The following STRIP1 variants were observed in gnomAD, a reference collection of about 807,000 sequenced individuals.
STRIP1 encodes the protein striatin interacting protein 1, also known as striatin-interacting protein 1.
In STRIP1, 63 loss-of-function variants were observed where a neutral mutation model predicts 106.2. That is an observed-to-expected ratio of 0.59 (90% CI 0.48 to 0.73). The LOEUF (loss-of-function observed/expected upper bound fraction) is 0.73, where lower values mean the gene tolerates loss of function less well. STRIP1 is among the 30% of genes least tolerant of loss of function. The probability of loss-of-function intolerance (pLI) is 0.00; values close to 1 mark genes in which losing one functional copy is unlikely to be tolerated. For synonymous variants in STRIP1, 390 were observed against 413.0 expected (o/e 0.94, Z 0.67); for missense variants, 857 against 1,074.8 (o/e 0.80, Z 2.83).
chr1:110,035,346 A>C (rs1485133573), intron 1 of STRIP1, among the ~76,000 whole-genome samples: 1 of 152,166 alleles, frequency 6.6e-6, no homozygotes, highest in African/African-American at 2.4e-5. Flanking sequence ...AGAGTAGAGT[A>C]GGAGGGGGAA....
chr1:110,039,808 T>C (rs987444347), intron 5 of STRIP1: 2 of 1,339,430 alleles, frequency 1.5e-6, no homozygotes, highest in African/African-American at 2.9e-5. Context: ...CTTTGAGCTC[T>C]CTTTTGAACC....
Position 110,040,680 on chromosome 1 carries a change from C to T in STRIP1, c.627C>T (p.Ser209=), listed in dbSNP as rs1372876864. 6.2e-7 allele frequency: 1 copy of T among 1,612,100 alleles called. No homozygotes were observed. The highest frequency in any genetic ancestry group is 1.1e-5 in the South Asian group (1 of 90,592). The change falls in exon 6 of 21, where the codon TCC becomes TCT. Residue 209 remains serine (S), a synonymous_variant. Transcript: ENST00000369795. ...GTGCTGTGAGGAAGCCTGCCATCTC[C>T]CTGGCTGACAGCACAGACCTCAGGT... ...CSSAVRKPAI[S]LADSTDLRVL...
chr1:110,047,611 T>C lies in STRIP1; in HGVS notation c.1558T>C (p.Tyr520His). 6.2e-7 allele frequency: 1 copy of C among 1,609,046 alleles called. No homozygotes were observed. Among genetic ancestry groups the C allele is most frequent in the Non-Finnish European group, 8.5e-7 (1 of 1,177,552 alleles). Residue 520 changes from tyrosine (Y) to histidine (H), a missense_variant, in exon 14 of 21, where the codon TAT (tyrosine) becomes CAT (histidine). Physicochemically the swap from Tyr to His is moderately conservative, Grantham distance 83 (BLOSUM62 2). Around this residue, in one of 2 missense-constraint regions of STRIP1, gnomAD observed 750 missense variants for 989.8 expected, o/e 0.76. Coordinates refer to ENST00000369795, the MANE Select transcript of STRIP1 (RefSeq NM_033088.4). ...YQGLLPSLPQ[Y>H]MIALLKILLA... ...AGGCTTGCTCCCCAGCCTGCCTCAG[T>C]ATATGGTGAGTGGTGCCTGCAGTGG...
At chr1:110,036,192 C>G (rs1557786323) in intron 1 of STRIP1, among the ~76,000 whole-genome samples, 1 of 152,232 alleles carries the variant, frequency 6.6e-6, no homozygotes, top group Non-Finnish European at 1.5e-5. Flanking sequence ...GTGGCTCACG[C>G]CTGTAATCCC....
chr1:110,032,354 G>A (rs1287440385), upstream of STRIP1, among the ~76,000 whole-genome samples: 1 of 152,180 alleles, frequency 6.6e-6, no homozygotes. Flanking sequence ...TACTAGGTTG[G>A]ACCTCAGGGG....
chr1:110,033,065 GGGCTT>G (rs1381389075), upstream of STRIP1, among the ~76,000 whole-genome samples: 93 of 152,218 alleles, frequency 6.1e-4, no homozygotes, highest in South Asian at 6.8e-3. Flanking sequence ...ACTAACATCA[GGGCTT>G]TTGCATTTAG....
chr1:110,046,561 C>CGA (rs1406351335), intron 12 of STRIP1, 119 bp from the exon 13 acceptor site: 2 of 867,996 alleles, frequency 2.3e-6, no homozygotes, highest in African/African-American at 3.4e-5. Flanking sequence ...TTTGTGGTGA[C>CGA]TTAATCCTCT....
At chr1:110,035,637 C>T (rs1652416813) in intron 1 of STRIP1, among the ~76,000 whole-genome samples, 1 of 152,076 alleles carries the variant, frequency 6.6e-6, no homozygotes, top group Non-Finnish European at 1.5e-5. Context: ...ATACTCATGT[C>T]GCGGAGTTTT....
chr1:110,036,401 C>T (rs1377646467), intron 1 of STRIP1, among the ~76,000 whole-genome samples: 27 of 152,086 alleles, frequency 1.8e-4, no homozygotes, highest in Admixed American at 1.8e-3. Context: ...TTGCAGTGAG[C>T]CGAGATTGCA....
At position 110,050,444 on chromosome 1, in the gene STRIP1, G is replaced by A. The variant is rs774778833; in HGVS notation, c.1956+35G>A. 1.9e-6 allele frequency: 3 copies of A among 1,604,444 alleles called. 1 individual carries two copies. The highest frequency in any genetic ancestry group is 3.3e-5 in the Admixed American group (2 of 59,938). ...TGGGCTCTCCTCAGCTGTCCTTTTG[G>A]CACCAGGGTCAGTGGGTAGAGAGCC... On this transcript the variant is annotated intron_variant, in intron 18 of 20. Transcript: ENST00000369795.
At chr1:110,051,253 C>T (rs1170894784) in intron 19 of STRIP1, among the ~76,000 whole-genome samples, 193 bp downstream of exon 19, 1 of 152,236 alleles carries the variant, frequency 6.6e-6, no homozygotes, top group Non-Finnish European at 1.5e-5. Flanking sequence ...CCCAGTCATG[C>T]ACTGAAACAA....
chr1:110,046,656 T>C (rs1377970551), intron 12 of STRIP1, 24 bp from the exon 13 acceptor site: 4 of 1,611,344 alleles, frequency 2.5e-6, no homozygotes, highest in African/African-American at 1.3e-5. Flanking sequence ...TCCCCAGCCC[T>C]TCTTTTCCCA....
intron 5 of STRIP1, chr1:110,039,956 A>G: frequency 3.3e-6 from 4 of 1,205,104 alleles, no homozygotes; most frequent in Non-Finnish European, 4.4e-6. Flanking sequence ...CTGCTCATCT[A>G]AGGATAACAC....
chr1:110,049,938 G>T (rs1037389094), intron 17 of STRIP1: 25 of 319,626 alleles, frequency 7.8e-5, no homozygotes, highest in Non-Finnish European at 5.2e-5. Context: ...AGCCCCTGCT[G>T]TTGGCCTGGT....
intron 1 of STRIP1, among the ~76,000 whole-genome samples, chr1:110,037,307 G>T (rs759167751): frequency 2.0e-5 from 3 of 152,204 alleles, no homozygotes; most frequent in Non-Finnish European, 4.4e-5. Context: ...GATTGTCTTT[G>T]TCACATTTTC....
chr1:110,049,341 C>T, intron 16 of STRIP1, 103 bp downstream of exon 16: 1 of 1,577,748 alleles, frequency 6.3e-7, no homozygotes, highest in Non-Finnish European at 8.7e-7. Context: ...CCCACTTGAA[C>T]TCTGCATGAA....
Position 110,050,990 on chromosome 1 carries a change from A to T in STRIP1, c.1991A>T (p.Asn664Ile), listed in dbSNP as rs755800425. 1.6e-5 allele frequency: 26 copies of T among 1,613,674 alleles called. No individual in the cohort carries two copies. Among genetic ancestry groups the T allele is most frequent in the Admixed American group, 5.0e-5 (3 of 59,994 alleles). ...GACAGTAACCAATTTTGCTGGAGGA[A>T]CCTCTTTTCTTGTATCAATCTGCTT... ...AGDSNQFCWR[N>I]LFSCINLLRI... Residue 664 changes from asparagine (N) to isoleucine (I), a missense_variant, in exon 19 of 21, where the codon AAC becomes ATC. Around this residue, in one of 2 missense-constraint regions of STRIP1, gnomAD observed 750 missense variants for 989.8 expected, o/e 0.76. Coordinates refer to ENST00000369795, the MANE Select transcript of STRIP1 (RefSeq NM_033088.4).
At position 110,044,891 on chromosome 1, in the gene STRIP1, T is replaced by C. The variant is rs774837653; in HGVS notation, c.1338T>C (p.Gly446=). ...FLESSRSKFI[G]YTLGSDTNTV... ...AGTCCAGCCGCAGCAAATTTATAGGTTACACTCTAGGCAGGTGAGTAAAAG... is the reference window on the plus strand; with the variant it reads ...AGTCCAGCCGCAGCAAATTTATAGGCTACACTCTAGGCAGGTGAGTAAAAG... The change falls in exon 11 of 21, where the codon GGT becomes GGC. Residue 446 remains glycine (G), a synonymous_variant. Transcript: ENST00000369795. 3.0e-5 allele frequency: 49 copies of C among 1,614,080 alleles called. No individual in the cohort carries two copies. The highest frequency in any genetic ancestry group is 3.8e-5 in the Non-Finnish European group (45 of 1,180,046).
At position 110,034,831 on chromosome 1, in the gene STRIP1, G is replaced by T. The variant is rs926340272; in HGVS notation, c.180+14G>T. On this transcript the variant is annotated intron_variant, in intron 1 of 20. Transcript: ENST00000369795. ...AAAGACTCAGAGGTCAGGAGCTTCG[G>T]GGGGCGAGGCTCGCACCGGGTCGGG... 10 of 1,377,892 alleles carry T rather than the reference G, an allele frequency of 7.3e-6. No individual in the cohort carries two copies. The highest frequency in any genetic ancestry group is 1.7e-5 in the South Asian group (1 of 58,542). 85.4% of individuals were successfully genotyped at this position (1,377,892 alleles called of 1,614,324 possible). A position where few individuals can be genotyped will look rare whatever the true frequency, so the allele number is the denominator to read the frequency against.
Sources: gnomAD v4.1 joint callset for allele counts (sites outside exome capture counted in the v4.1 genomes callset) on GRCh38, gnomAD v4.1.1 for gene constraint, gnomAD v4.1.1 regional missense constraint, MANE v1.5 for transcripts, NCBI Gene and HGNC (gene_info 2026-07-23, HGNC 2026-07-21) for gene names.